The following IQSEC1 variants were observed in gnomAD, a reference collection of about 807,000 sequenced individuals.
IQSEC1 encodes IQ motif and Sec7 domain ArfGEF 1.
Under a neutral mutation model 91.0 loss-of-function variants are expected in IQSEC1, and 31 were observed. The observed-to-expected ratio is 0.34, with a 90% CI of 0.26 to 0.46. The LOEUF is 0.46. Ranked by LOEUF, IQSEC1 falls within the 20% of genes least tolerant of loss-of-function variation. The pLI, the probability that IQSEC1 is intolerant of heterozygous loss-of-function variation, is 1.00. For missense variants in IQSEC1, 1,388 were observed against 1,575.6 expected, an observed-to-expected ratio of 0.88 and a Z score of 2.02; for synonymous variants, 699 against 662.6, an observed-to-expected ratio of 1.05 and a Z score of -0.84.
Position 12,900,986 on chromosome 3 carries a change from C to T in IQSEC1, c.3342G>A (p.Val1114=), listed in dbSNP as rs1405115947. Residue 1114 remains valine (V), a synonymous_variant, in exon 14 of 14, where the codon GTG becomes GTA. Coordinates refer to ENST00000613206, the MANE Select transcript of IQSEC1 (RefSeq NM_001134382.3). ...CTGGGACCCCTACCCAGGCTGTCTA[C>T]ACAATTGTGCTGATGCCGCTGGGTT... The part of the protein sequence containing the change: ...KAKPSGISTI[V] The T allele has an allele frequency of 1.9e-6, 3 of 1,544,300 alleles. No individual in the cohort carries two copies. The highest frequency in any genetic ancestry group is 2.0e-5 in the Admixed American group (1 of 50,990).
At chr3:13,198,717 G>A (rs774831800) in intron 1 of IQSEC1, among the ~76,000 whole-genome samples, 3 of 152,222 alleles carry the variant, frequency 2.0e-5, no homozygotes, top group Non-Finnish European at 2.9e-5. Flanking sequence ...GCACTGCCAT[G>A]TCTTAGCCTG....
chr3:13,054,429 C>T (rs1320384028), intron 1 of IQSEC1, among the ~76,000 whole-genome samples: 2 of 152,238 alleles, frequency 1.3e-5, no homozygotes, highest in Admixed American at 1.3e-4. Flanking sequence ...CCCTGTCCCC[C>T]ACACGCCAGG....
At chr3:13,191,106 A>G (rs1694022000) in intron 1 of IQSEC1, among the ~76,000 whole-genome samples, 1 of 152,184 alleles carries the variant, frequency 6.6e-6, no homozygotes, top group Non-Finnish European at 1.5e-5. Context: ...AATGCCTGTC[A>G]CCCCATGTTT....
chr3:13,237,971 G>A (rs946359037), intron 1 of IQSEC1, among the ~76,000 whole-genome samples: 1 of 152,206 alleles, frequency 6.6e-6, no homozygotes, highest in Non-Finnish European at 1.5e-5. Flanking sequence ...CCTTAGGCCT[G>A]CATGGGGGAC....
At chr3:13,280,675 G>A (rs1019668022) in intron 1 of IQSEC1, among the ~76,000 whole-genome samples, 7 of 152,202 alleles carry the variant, frequency 4.6e-5, no homozygotes, top group Non-Finnish European at 8.8e-5. Flanking sequence ...CCTAGGAGCT[G>A]GCTAGAGATG....
rs539323027 is a variant in IQSEC1, at chr3:13,041,968, A to AC, written c.23+31023dup. Among the ~76,000 whole-genome samples, 192 of 152,044 alleles carry AC rather than the reference A, an allele frequency of 1.3e-3. 1 individual carries two copies. Among genetic ancestry groups the AC allele is most frequent in the African/African-American group, 4.3e-3 (180 of 41,452 alleles). ...TGTACCGGGAAAGAGCAGGCCGGGGACCCCGGGCCGGTGCAGCTTCCCTGC... is the reference window on the plus strand; with the variant it reads ...TGTACCGGGAAAGAGCAGGCCGGGGACCCCCGGGCCGGTGCAGCTTCCCTGC... On this transcript the variant is annotated intron_variant, in intron 1 of 13. Transcript: ENST00000613206.
At chr3:13,024,059 C>T (rs977218936) in intron 1 of IQSEC1, among the ~76,000 whole-genome samples, 9 of 152,232 alleles carry the variant, frequency 5.9e-5, no homozygotes, top group African/African-American at 2.2e-4. Flanking sequence ...ACTTTTCATA[C>T]TGGCCTCGGT....
chr3:13,224,619 C>T (rs1036298244), intron 1 of IQSEC1, among the ~76,000 whole-genome samples: 1 of 152,178 alleles, frequency 6.6e-6, no homozygotes, highest in Admixed American at 6.5e-5. Context: ...ACTTGACGTT[C>T]AGTGCCACAG....
chr3:13,209,519 G>C (rs944863240), intron 1 of IQSEC1, among the ~76,000 whole-genome samples: 2 of 152,184 alleles, frequency 1.3e-5, no homozygotes, highest in African/African-American at 4.8e-5. Flanking sequence ...GTGCAGCTTG[G>C]GCAATTCAAG....
chr3:12,921,894 C>T (rs1025037672), intron 5 of IQSEC1, among the ~76,000 whole-genome samples: 9 of 152,194 alleles, frequency 5.9e-5, no homozygotes, highest in African/African-American at 1.4e-4. Flanking sequence ...TTAAAATAAT[C>T]GGTACAGTCT....
At chr3:13,205,203 A>G (rs1694321744) in intron 1 of IQSEC1, among the ~76,000 whole-genome samples, 1 of 152,084 alleles carries the variant, frequency 6.6e-6, no homozygotes, top group Non-Finnish European at 1.5e-5. Flanking sequence ...CATCCTGAAC[A>G]GGAAGGCTAC....
At chr3:13,162,173 C>A (rs867663884) in intron 2 of IQSEC1, among the ~76,000 whole-genome samples, 2 of 152,198 alleles carry the variant, frequency 1.3e-5, no homozygotes, top group Non-Finnish European at 2.9e-5. Flanking sequence ...GTTCTCAGGG[C>A]GACCCCGTAA....
chr3:13,265,362 T>C (rs1346863784), intron 1 of IQSEC1, among the ~76,000 whole-genome samples: 1 of 152,158 alleles, frequency 6.6e-6, no homozygotes. Context: ...CAATTCACCA[T>C]CCCAACACTT....
At chr3:13,081,728 G>A (rs1235148708) in intron 2 of IQSEC1, among the ~76,000 whole-genome samples, 1 of 152,250 alleles carries the variant, frequency 6.6e-6, no homozygotes, top group African/African-American at 2.4e-5. Context: ...GCAGGGACCA[G>A]TGCACGGGGT....
At chr3:13,006,452 G>C (rs191718254) in intron 1 of IQSEC1, among the ~76,000 whole-genome samples, 309 of 152,322 alleles carry the variant, frequency 2.0e-3, no homozygotes, top group African/African-American at 7.2e-3. Context: ...CATTGTGGTG[G>C]GGGCACATGG....
chr3:13,112,876 A>G (rs1706273136), intron 2 of IQSEC1, among the ~76,000 whole-genome samples: 1 of 152,248 alleles, frequency 6.6e-6, no homozygotes, highest in South Asian at 2.1e-4. Context: ...GTCGTCACTG[A>G]GGCCAGGCCA....
intron 10 of IQSEC1, among the ~76,000 whole-genome samples, chr3:12,910,637 C>T (rs762139729): frequency 5.3e-5 from 8 of 152,338 alleles, no homozygotes; most frequent in Non-Finnish European, 8.8e-5. Context: ...ACGTGGGGAG[C>T]AGGGCATACA....
At chr3:12,997,509 T>TG (rs1256153005) in intron 1 of IQSEC1, among the ~76,000 whole-genome samples, 2 of 152,254 alleles carry the variant, frequency 1.3e-5, no homozygotes, top group Non-Finnish European at 2.9e-5. Flanking sequence ...TGCTTAATGA[T>TG]GGGGATACAT....
In IQSEC1 at chr3:13,008,073, G is replaced by A. The variant is rs1313190440; in HGVS notation, c.23+64919C>T. On this transcript the variant is annotated intron_variant, in intron 1 of 13. Coordinates refer to ENST00000613206, the MANE Select transcript of IQSEC1 (RefSeq NM_001134382.3). The surrounding 1 kb of genome is among the most constrained non-coding windows in gnomAD (Gnocchi z 4.1). ...ATAAGCCCACCCCAGGAACCCCAGG[G>A]AGGGGCCAGGTGCCTGGCCTTCTGA... Among the ~76,000 whole-genome samples the A allele has an allele frequency of 6.6e-6, 1 of 152,198 alleles. No homozygotes were observed. Among genetic ancestry groups the A allele is most frequent in the Non-Finnish European group, 1.5e-5 (1 of 68,030 alleles).
Sources: allele counts gnomAD v4.1 joint callset (sites outside exome capture counted in the v4.1 genomes callset), GRCh38; gene constraint gnomAD v4.1.1; non-coding constraint Gnocchi (gnomAD v3.1); transcripts MANE v1.5; gene names NCBI Gene and HGNC (gene_info 2026-07-23, HGNC 2026-07-21).